GALK1: variants seen among roughly 807,000 people sequenced by gnomAD.
GALK1 encodes galactokinase.
In GALK1, 30 loss-of-function variants were observed where a neutral mutation model predicts 38.6. The observed-to-expected ratio is 0.78, with a 90% CI of 0.58 to 1.05. GALK1 has a LOEUF of 1.05. GALK1 is among the 50% of genes least tolerant of loss of function. The probability of loss-of-function intolerance (pLI) is 0.00; values close to 1 mark genes in which losing one functional copy is unlikely to be tolerated. For missense variants in GALK1, 512 were observed against 540.5 expected (o/e 0.95, Z 0.52); for synonymous variants, 240 against 233.6 (o/e 1.03, Z -0.25).
downstream of GALK1, chr17:75,755,345 C>CGGGG: frequency 2.1e-6 from 2 of 948,932 alleles, no homozygotes; most frequent in Non-Finnish European, 3.1e-6. Context: ...TGCCCACAGG[C>CGGGG]GCTAACCACC....
At chr17:75,761,391 G>C (rs2143598259) in intron 5 of GALK1, among the ~76,000 whole-genome samples, 1 of 151,972 alleles carries the variant, frequency 6.6e-6, no homozygotes, top group African/African-American at 2.4e-5. Flanking sequence ...GGAGGCTGAG[G>C]CGGGCAGATC....
downstream of GALK1, among the ~76,000 whole-genome samples, chr17:75,753,293 G>A (rs2061409890): frequency 6.6e-6 from 1 of 152,214 alleles, no homozygotes; most frequent in South Asian, 2.1e-4. Flanking sequence ...TTCAGGTGGA[G>A]CGCAGCTGGT....
intron 8 of GALK1, chr17:75,752,544 G>A (rs752995491): frequency 1.2e-6 from 2 of 1,613,586 alleles, no homozygotes; most frequent in Admixed American, 3.3e-5. Flanking sequence ...CTCTCCATCG[G>A]GCAGCCAGAG....
chr17:75,760,540 C>A (rs965821494), intron 5 of GALK1, among the ~76,000 whole-genome samples: 47 of 150,644 alleles, frequency 3.1e-4, no homozygotes, highest in African/African-American at 1.0e-3. Flanking sequence ...CCAAGGCAGG[C>A]GGATCACTTG....
rs1265231455 is a variant in GALK1 at position 75,758,290 on chromosome 17, T to C, written c.1027A>G (p.Met343Val). Reference sequence around the variant, plus strand: ...CAGCCACCGAAGCCACCGCCCGTCATGCGGCTGCCATAAACCCCAGGCACA... The same window carrying C: ...CAGCCACCGAAGCCACCGCCCGTCACGCGGCTGCCATAAACCCCAGGCACA... ...LAVPGVYGSRMTGGGFGGCTV... is the reference protein window; with the variant it reads ...LAVPGVYGSRVTGGGFGGCTV... The change falls in exon 7 of 8, where the codon ATG becomes GTG. Residue 343 changes from methionine (M) to valine (V), a missense_variant. Transcript: ENST00000588479. The C allele has an allele frequency of 6.3e-7, 1 of 1,591,314 alleles. No homozygotes were observed. Among genetic ancestry groups the C allele is most frequent in the African/African-American group, 1.3e-5 (1 of 74,710 alleles).
chr17:75,753,352 G>A (rs758402580), downstream of GALK1, among the ~76,000 whole-genome samples: 4 of 152,154 alleles, frequency 2.6e-5, no homozygotes, highest in Admixed American at 6.5e-5. Context: ...CCTGCGAAGC[G>A]CTCGGTGGCT....
chr17:75,759,779 C>T (rs1025864216), intron 5 of GALK1, among the ~76,000 whole-genome samples: 5 of 152,156 alleles, frequency 3.3e-5, no homozygotes, highest in African/African-American at 9.7e-5. Context: ...AGGAAAAGGA[C>T]AGGGAGGTCC....
chr17:75,756,434 C>T, downstream of GALK1: 1 of 1,613,292 alleles, frequency 6.2e-7, no homozygotes, highest in Middle Eastern at 1.7e-4. Context: ...CCCAGGTGAG[C>T]TGCATCGGCT....
intron 8 of GALK1, chr17:75,752,223 G>A: frequency 1.2e-6 from 2 of 1,613,926 alleles, no homozygotes; most frequent in Non-Finnish European, 1.7e-6. Context: ...CTAAGAACCG[G>A]ATGCTGCTTA....
chr17:75,762,143 G>A (rs1568394875), intron 5 of GALK1, among the ~76,000 whole-genome samples: 1 of 152,146 alleles, frequency 6.6e-6, no homozygotes, highest in Non-Finnish European at 1.5e-5. Flanking sequence ...GGGCAACACT[G>A]CAAGACCGTC....
intron 4 of GALK1, 30 bp from the exon 5 acceptor site, chr17:75,762,915 C>G (rs763404854): frequency 2.5e-6 from 4 of 1,611,372 alleles, no homozygotes; most frequent in Non-Finnish European, 3.4e-6. Context: ...GGGGAGATGA[C>G]GAGGCCAAGC....
intron 8 of GALK1, chr17:75,752,059 T>G (rs1490930956): frequency 2.6e-6 from 3 of 1,173,680 alleles, no homozygotes; most frequent in Non-Finnish European, 3.8e-6. Flanking sequence ...TTTGCCTTGC[T>G]TCCCCAGCCC....
chr17:75,759,954 C>T (rs1262438955), intron 5 of GALK1, among the ~76,000 whole-genome samples: 4 of 152,122 alleles, frequency 2.6e-5, no homozygotes, highest in East Asian at 1.9e-4. Context: ...ATTCCCCCAT[C>T]AAAAATATGA....
intron 2 of GALK1, 23 bp from the exon 3 acceptor site, chr17:75,763,462 T>A (rs1313113930): frequency 1.9e-6 from 3 of 1,572,504 alleles, no homozygotes; most frequent in Non-Finnish European, 2.6e-6. Flanking sequence ...GAACAGGTGA[T>A]GGTAAGAGGG....
chr17:75,754,011 AC>A, downstream of GALK1: 1 of 952,760 alleles, frequency 1.0e-6, no homozygotes, highest in Non-Finnish European at 1.4e-6. Flanking sequence ...ATCCGCGCCC[AC>A]CCAGCCTCAC....
intron 5 of GALK1, among the ~76,000 whole-genome samples, chr17:75,760,629 A>C (rs1324127478): frequency 6.6e-6 from 1 of 151,450 alleles, no homozygotes; most frequent in African/African-American, 2.4e-5. Context: ...AAAAAAAATT[A>C]ACTCGCTCTG....
At chr17:75,763,791 T>G in intron 2 of GALK1, 106 bp downstream of exon 2, 1 of 1,143,576 alleles carries the variant, frequency 8.7e-7, no homozygotes, top group Non-Finnish European at 1.3e-6. Flanking sequence ...GATGCTCCAC[T>G]CTACAAGCCT....
intron 2 of GALK1, 113 bp downstream of exon 2, chr17:75,763,784 G>T: frequency 2.8e-6 from 3 of 1,063,888 alleles, no homozygotes; most frequent in Non-Finnish European, 4.2e-6. Flanking sequence ...ACAATGGGAT[G>T]CTCCACTCTA....
downstream of GALK1, chr17:75,755,654 G>C (rs1453604083): frequency 1.9e-6 from 3 of 1,610,358 alleles, no homozygotes; most frequent in African/African-American, 1.3e-5. Flanking sequence ...CTCCCACTGA[G>C]ACCCTAGCCC....
Sources: allele counts gnomAD v4.1 joint callset (sites outside exome capture counted in the v4.1 genomes callset), GRCh38; gene constraint gnomAD v4.1.1; transcripts MANE v1.5; gene names NCBI Gene and HGNC (gene_info 2026-07-23, HGNC 2026-07-21).